The following ADAMTS17 variants were observed in gnomAD, a reference collection of about 807,000 sequenced individuals.
ADAMTS17 encodes A disintegrin and metalloproteinase with thrombospondin motifs 17.
A neutral mutation model predicts 141.5 loss-of-function variants in ADAMTS17; 113 were observed. That is an observed-to-expected ratio of 0.80 (90% CI 0.69 to 0.93). ADAMTS17 has a LOEUF of 0.93. Among genes scored for constraint, ADAMTS17 ranks in the 40% least tolerant of loss-of-function variants. ADAMTS17 has a pLI of 0.00. For missense variants in ADAMTS17, 1,659 were observed against 1,517.9 expected, an observed-to-expected ratio of 1.09 and a Z score of -1.54; for synonymous variants, 768 against 630.6, an observed-to-expected ratio of 1.22 and a Z score of -3.27.
Position 100,047,546 on chromosome 15 carries a change from G to GA in ADAMTS17, c.2591+1310dup, listed in dbSNP as rs572634200. Among the ~76,000 whole-genome samples, 31 of 151,994 alleles carry GA rather than the reference G, an allele frequency of 2.0e-4. No individual in the cohort carries two copies. In the East Asian group the frequency reaches 4.3e-3, roughly 21 times the overall value. Reference sequence around the variant, plus strand: ...TTTCTCAAGCCAGCCGACGCTTAGGGAAAATAGAAAAGAACCTATGTGACT... The same window carrying GA: ...TTTCTCAAGCCAGCCGACGCTTAGGGAAAAATAGAAAAGAACCTATGTGACT... On this transcript the variant is annotated intron_variant, in intron 18 of 21. Transcript: ENST00000268070.
chr15:100,060,294 C>A (rs569118361), intron 15 of ADAMTS17, among the ~76,000 whole-genome samples: 1 of 152,220 alleles, frequency 6.6e-6, no homozygotes, highest in Non-Finnish European at 1.5e-5. Context: ...GGGCACCACA[C>A]GGGTGGGTAC....
chr15:100,245,483 A>T (rs1038806557), intron 7 of ADAMTS17, among the ~76,000 whole-genome samples: 2 of 152,228 alleles, frequency 1.3e-5, no homozygotes, highest in Admixed American at 1.3e-4. Context: ...CTAGTTCCAA[A>T]GTAAATGTTG....
chr15:100,041,694 C>T (rs769324805), intron 18 of ADAMTS17, among the ~76,000 whole-genome samples: 38 of 152,258 alleles, frequency 2.5e-4, no homozygotes, highest in Middle Eastern at 3.4e-3. Context: ...GCTGGGGAGA[C>T]GCCATCTGCC....
At chr15:99,998,563 C>T (rs1761183789) in intron 18 of ADAMTS17, among the ~76,000 whole-genome samples, 2 of 152,182 alleles carry the variant, frequency 1.3e-5, no homozygotes, top group Non-Finnish European at 2.9e-5. Context: ...AAGATCGCGC[C>T]ACTGCACTCC....
chr15:100,021,795 T>A (rs1218452072), intron 18 of ADAMTS17, among the ~76,000 whole-genome samples: 2 of 152,116 alleles, frequency 1.3e-5, no homozygotes, highest in African/African-American at 4.8e-5. Flanking sequence ...GCCAGCCACA[T>A]GTGCTCCTCC....
intron 7 of ADAMTS17, among the ~76,000 whole-genome samples, chr15:100,236,283 T>TTAA (rs375249639): frequency 7.8e-6 from 1 of 128,526 alleles, no homozygotes. Context: ...CCCACGACAT[T>TTAA]AAAAAAAAAA....
intron 10 of ADAMTS17, among the ~76,000 whole-genome samples, chr15:100,144,498 CG>C (rs779317557): frequency 6.6e-5 from 10 of 151,762 alleles, no homozygotes; most frequent in Non-Finnish European, 1.3e-4. Flanking sequence ...CGCAGTGAGC[CG>C]AGACTGTGCC....
intron 7 of ADAMTS17, among the ~76,000 whole-genome samples, chr15:100,243,463 T>A (rs1466033701): frequency 6.6e-6 from 1 of 152,218 alleles, no homozygotes; most frequent in African/African-American, 2.4e-5. Context: ...TCTCTCTACA[T>A]CCTCGCCAAC....
At chr15:100,012,845 T>G (rs556438398) in intron 18 of ADAMTS17, among the ~76,000 whole-genome samples, 1 of 152,348 alleles carries the variant, frequency 6.6e-6, no homozygotes, top group East Asian at 1.9e-4. Context: ...TCTTTTTGCT[T>G]AGTCTTGCTT....
At chr15:100,119,859 G>A (rs1259045164) in intron 12 of ADAMTS17, among the ~76,000 whole-genome samples, 11 of 152,250 alleles carry the variant, frequency 7.2e-5, no homozygotes, top group Admixed American at 5.9e-4. Flanking sequence ...GTCCATCTTT[G>A]AGGCCACCTC....
chr15:100,086,522 C>T (rs1468766229), intron 15 of ADAMTS17, among the ~76,000 whole-genome samples: 1 of 152,124 alleles, frequency 6.6e-6, no homozygotes, highest in African/African-American at 2.4e-5. Context: ...GAACTCTCCA[C>T]CCCAAATCAA....
chr15:100,311,352 G>C (rs1001562569), intron 3 of ADAMTS17, among the ~76,000 whole-genome samples: 7 of 152,234 alleles, frequency 4.6e-5, no homozygotes, highest in African/African-American at 1.7e-4. Flanking sequence ...CAGCCGCCTG[G>C]CCCATGGCCT....
At chr15:100,065,836 G>A (rs145807474) in intron 15 of ADAMTS17, among the ~76,000 whole-genome samples, 24 of 152,234 alleles carry the variant, frequency 1.6e-4, no homozygotes, top group African/African-American at 5.8e-4. Context: ...AGCCCTGCAT[G>A]CATTAGGTAT....
At chr15:100,268,295 T>C (rs142992360) in intron 4 of ADAMTS17, among the ~76,000 whole-genome samples, 143 of 152,338 alleles carry the variant, frequency 9.4e-4, no homozygotes, top group Middle Eastern at 3.4e-3. Flanking sequence ...GAATGATCTA[T>C]ACGCCTTTGG....
chr15:100,046,472 G>C (rs1031783509), intron 18 of ADAMTS17, among the ~76,000 whole-genome samples: 1 of 152,128 alleles, frequency 6.6e-6, no homozygotes, highest in Non-Finnish European at 1.5e-5. Flanking sequence ...ATTTTAAAAA[G>C]ACTTGGGTAT....
At position 99,994,875 on chromosome 15, in the gene ADAMTS17, C is replaced by G. The variant is rs8027006; in HGVS notation, c.2797-1675G>C. On this transcript the variant is annotated intron_variant, in intron 19 of 21. Coordinates refer to ENST00000268070, the MANE Select transcript of ADAMTS17 (RefSeq NM_139057.4). Reference sequence around the variant, plus strand: ...CATTGCGCCTCGCAGCTCTTTCTTACGAATTCAATTCAGCTCTTTGTCTAA... The same window carrying G: ...CATTGCGCCTCGCAGCTCTTTCTTAGGAATTCAATTCAGCTCTTTGTCTAA... Among the ~76,000 whole-genome samples the G allele has an allele frequency of 3.1e-4, 47 of 152,330 alleles. 1 individual carries two copies. Among genetic ancestry groups the G allele is most frequent in the African/African-American group, 7.7e-4 (32 of 41,560 alleles).
intron 15 of ADAMTS17, among the ~76,000 whole-genome samples, chr15:100,080,419 A>C (rs754704004): frequency 9.3e-5 from 14 of 150,516 alleles, no homozygotes; most frequent in Non-Finnish European, 2.1e-4. Flanking sequence ...AATACAGGAG[A>C]TCCATTAGGG....
rs571912813 is a variant in ADAMTS17, at chr15:100,184,906, G to A, written c.1181+14412C>T. On this transcript the variant is annotated intron_variant, in intron 8 of 21. Coordinates refer to ENST00000268070, the MANE Select transcript of ADAMTS17 (RefSeq NM_139057.4). ...TGGGCTCGCCACCTCTCCTCCTCCC[G>A]GCCCCATGGCTTTTGTTAATCACTC... 2.8e-4 allele frequency among the ~76,000 whole-genome samples: 42 copies of A among 152,116 alleles called. 2 individuals carry two copies. The highest frequency in any genetic ancestry group is 1.9e-3 in the Admixed American group (29 of 15,298).
At chr15:100,243,583 A>C (rs554229117) in intron 7 of ADAMTS17, among the ~76,000 whole-genome samples, 2 of 152,312 alleles carry the variant, frequency 1.3e-5, no homozygotes, top group South Asian at 4.1e-4. Context: ...TGAGGTCAGG[A>C]GTTCCAGACC....
Sources: gnomAD v4.1 joint callset for allele counts (sites outside exome capture counted in the v4.1 genomes callset) on GRCh38, gnomAD v4.1.1 for gene constraint, MANE v1.5 for transcripts, NCBI Gene and HGNC (gene_info 2026-07-23, HGNC 2026-07-21) for gene names.